Variants in GUCY1B1 observed in about 807,000 individuals in gnomAD.
GUCY1B1 encodes the protein guanylate cyclase 1 soluble subunit beta 1.
A neutral mutation model predicts 71.0 loss-of-function variants in GUCY1B1; 43 were observed. The observed-to-expected ratio is 0.61, with a 90% confidence interval of 0.47 to 0.78. The LOEUF is 0.78. Ranked by LOEUF, GUCY1B1 falls within the 30% of genes least tolerant of loss-of-function variation. The pLI, the probability that GUCY1B1 is intolerant of heterozygous loss-of-function variation, is 0.00. For synonymous variants in GUCY1B1, 266 were observed against 259.7 expected (o/e 1.02, Z -0.23); for missense variants, 535 against 754.1 (o/e 0.71, Z 3.40).
At chr4:155,778,894 G>A (rs1738234153) in intron 4 of GUCY1B1, among the ~76,000 whole-genome samples, 1 of 151,466 alleles carries the variant, frequency 6.6e-6, no homozygotes, top group Non-Finnish European at 1.5e-5. Flanking sequence ...ACTTTCAGTT[G>A]TTCTGACTTA....
chr4:155,767,155 CCTT>C (rs1439819923), intron 2 of GUCY1B1, among the ~76,000 whole-genome samples: 4 of 152,144 alleles, frequency 2.6e-5, no homozygotes, highest in African/African-American at 7.2e-5. Flanking sequence ...AGACCTATAA[CCTT>C]CTTCTTTCCA....
At chr4:155,759,994 C>T in intron 2 of GUCY1B1, 134 bp downstream of exon 2, 1 of 620,524 alleles carries the variant, frequency 1.6e-6, no homozygotes, top group East Asian at 2.9e-5. Flanking sequence ...CGCCTCGCTC[C>T]CGGCTCGCTG....
chr4:155,796,251 C>A, intron 7 of GUCY1B1, 126 bp from the exon 8 acceptor site: 3 of 843,042 alleles, frequency 3.6e-6, no homozygotes, highest in Non-Finnish European at 3.8e-6. Context: ...AAGGCCCTCT[C>A]CTGTTCTAAT....
At chr4:155,769,352 G>C (rs971255241) in intron 2 of GUCY1B1, among the ~76,000 whole-genome samples, 1 of 152,028 alleles carries the variant, frequency 6.6e-6, no homozygotes, top group Admixed American at 6.6e-5. Context: ...TCTTTATCTA[G>C]GTTTACTTGT....
chr4:155,763,969 C>T (rs1483208767), intron 2 of GUCY1B1, among the ~76,000 whole-genome samples: 1 of 150,636 alleles, frequency 6.6e-6, no homozygotes, highest in African/African-American at 2.4e-5. Flanking sequence ...TTAAGCCCTC[C>T]TTTAAAAAAT....
At chr4:155,769,128 A>T (rs1488509469) in intron 2 of GUCY1B1, among the ~76,000 whole-genome samples, 2 of 152,158 alleles carry the variant, frequency 1.3e-5, no homozygotes, top group African/African-American at 4.8e-5. Flanking sequence ...GTGTGCAAGA[A>T]GTACTACCCT....
intron 4 of GUCY1B1, among the ~76,000 whole-genome samples, chr4:155,779,819 A>G (rs1423610373): frequency 6.6e-6 from 1 of 152,206 alleles, no homozygotes; most frequent in Non-Finnish European, 1.5e-5. Flanking sequence ...TTTATTACGT[A>G]AATTAGTAAA....
chr4:155,775,108 C>T (rs780612599), intron 3 of GUCY1B1, 40 bp downstream of exon 3: 15 of 1,011,592 alleles, frequency 1.5e-5, no homozygotes, highest in African/African-American at 7.9e-5. Context: ...CCAAGTTACA[C>T]GTAGAAGCTC....
chr4:155,764,038 T>A lies in GUCY1B1; in HGVS notation c.77+4178T>A, dbSNP rs373134627. ...TTTTTTATCACTCTAGGATAAGTAA[T>A]CATCATCATCATCATTTTTCATCAT... On this transcript the variant is annotated intron_variant, in intron 2 of 13. Coordinates refer to ENST00000264424, the MANE Select transcript of GUCY1B1 (RefSeq NM_000857.5). 1.0e-3 allele frequency among the ~76,000 whole-genome samples: 157 copies of A among 152,146 alleles called. 1 individual carries two copies. The highest frequency in any genetic ancestry group is 3.7e-3 in the African/African-American group (152 of 41,538).
chr4:155,784,163 T>C (rs1738616216), intron 4 of GUCY1B1, among the ~76,000 whole-genome samples: 1 of 152,162 alleles, frequency 6.6e-6, no homozygotes, highest in Admixed American at 6.5e-5. Context: ...GCTTTAACGC[T>C]ATTTCCATTT....
At chr4:155,760,015 C>T (rs1289044124) in intron 2 of GUCY1B1, among the ~76,000 whole-genome samples, 155 bp downstream of exon 2, 1 of 152,046 alleles carries the variant, frequency 6.6e-6, no homozygotes, top group Non-Finnish European at 1.5e-5. Flanking sequence ...CAGCTGCGCT[C>T]CCACGCTCCG....
intron 9 of GUCY1B1, among the ~76,000 whole-genome samples, chr4:155,801,929 C>T (rs17379405): frequency 0.059 from 8,908 of 152,202 alleles, 373 homozygotes; most frequent in Non-Finnish European, 0.088. Context: ...AAGAGGCAAA[C>T]CTGTTTCCAT....
rs544456891 is a variant in GUCY1B1 at position 155,797,667 on chromosome 4, G to A, written c.977+1157G>A. ...GCAGGAGAGTCGCTTGAACCTGGGA[G>A]GCAGAGGTTGCAGTGAGCCGAGATC... On this transcript the variant is annotated intron_variant, in intron 8 of 13. Transcript: ENST00000264424. Among the ~76,000 whole-genome samples the A allele has an allele frequency of 2.0e-5, 3 of 151,162 alleles. No homozygotes were observed. The East Asian group carries it at 5.8e-4, about 29-fold the overall frequency.
chr4:155,805,027 A>T (rs1740220288), intron 12 of GUCY1B1, 76 bp from the exon 13 acceptor site: 2 of 1,312,016 alleles, frequency 1.5e-6, no homozygotes, highest in Non-Finnish European at 2.2e-6. Flanking sequence ...ATCTTGGTTT[A>T]TAACATGATA....
intron 2 of GUCY1B1, chr4:155,772,569 ACCACACCTGCC>A: frequency 1.7e-6 from 1 of 586,106 alleles, no homozygotes. Flanking sequence ...GACTTGCGCC[ACCACACCTGCC>A]TAATTTTTTT....
intron 9 of GUCY1B1, among the ~76,000 whole-genome samples, chr4:155,801,654 C>T (rs1739960652): frequency 6.6e-6 from 1 of 152,160 alleles, no homozygotes; most frequent in African/African-American, 2.4e-5. Flanking sequence ...GTCTTCCAAT[C>T]CAGAGCCCAT....
chr4:155,777,040 C>T (rs767963674), intron 3 of GUCY1B1, among the ~76,000 whole-genome samples: 4 of 152,008 alleles, frequency 2.6e-5, no homozygotes, highest in Non-Finnish European at 5.9e-5. Context: ...GGATTCAAGT[C>T]GAAACATAAA....
At position 155,791,789 on chromosome 4, in the gene GUCY1B1, C is replaced by A. The variant is rs866739460; in HGVS notation, c.495+1878C>A. On this transcript the variant is annotated intron_variant, in intron 5 of 13. Coordinates refer to ENST00000264424, the MANE Select transcript of GUCY1B1 (RefSeq NM_000857.5). ...AAACAAAACGAAAAACAAAAAAAAA[C>A]ACAGCATCTATACTGAGTGAACGTA... Among the ~76,000 whole-genome samples, 665 of 106,332 alleles carry A rather than the reference C, an allele frequency of 6.3e-3. 3 individuals carry two copies. Among genetic ancestry groups the A allele is most frequent in the African/African-American group, 0.022 (630 of 28,504 alleles). The allele number at this position is 106,332 out of a possible 152,430, so 69.8% of individuals were successfully genotyped here.
At chr4:155,767,050 C>T (rs1372876003) in intron 2 of GUCY1B1, among the ~76,000 whole-genome samples, 2 of 152,136 alleles carry the variant, frequency 1.3e-5, no homozygotes, top group African/African-American at 4.8e-5. Context: ...TAAAAGAAAG[C>T]CTGCCTCAAA....
Sources: gnomAD v4.1 joint callset for allele counts (sites outside exome capture counted in the v4.1 genomes callset) on GRCh38, gnomAD v4.1.1 for gene constraint, MANE v1.5 for transcripts, NCBI Gene and HGNC (gene_info 2026-07-23, HGNC 2026-07-21) for gene names.